Variants in MORN3 observed in about 807,000 individuals in gnomAD.
The protein encoded by MORN3 is MORN repeat containing 3.
In MORN3, 38 loss-of-function variants were observed where a neutral mutation model predicts 34.7. The observed-to-expected ratio is 1.10, with a 90% CI of 0.85 to 1.44. The LOEUF (loss-of-function observed/expected upper bound fraction) is 1.44, where lower values mean the gene tolerates loss of function less well. Ranked by LOEUF, MORN3 falls within the 40% of genes most tolerant of loss-of-function variation. The probability of loss-of-function intolerance (pLI) is 0.00; values close to 1 mark genes in which losing one functional copy is unlikely to be tolerated. For missense variants in MORN3, 311 were observed against 321.7 expected, an observed-to-expected ratio of 0.97 and a Z score of 0.25; for synonymous variants, 109 against 115.3, an observed-to-expected ratio of 0.95 and a Z score of 0.35.
intron 3 of MORN3, among the ~76,000 whole-genome samples, chr12:121,653,634 A>C (rs1471142375): frequency 1.3e-5 from 2 of 152,000 alleles, no homozygotes; most frequent in African/African-American, 2.4e-5. Context: ...CAGCCTCCTG[A>C]GTAGCTGGGA....
At chr12:121,671,774 G>GGAGGCT (rs1893975946), upstream of MORN3, among the ~76,000 whole-genome samples, 1 of 152,016 alleles carries the variant, frequency 6.6e-6, no homozygotes, top group African/African-American at 2.4e-5. Flanking sequence ...CAGCTACTCG[G>GGAGGCT]GAGGCTGAGG....
upstream of MORN3, among the ~76,000 whole-genome samples, chr12:121,670,277 G>C (rs1367720508): frequency 6.6e-6 from 1 of 152,090 alleles, no homozygotes; most frequent in Admixed American, 6.6e-5. Context: ...CAGAGCAAAA[G>C]CTGGGAGTGG....
intron 1 of MORN3, among the ~76,000 whole-genome samples, chr12:121,667,544 T>C (rs7297028): frequency 0.45 from 68,659 of 151,038 alleles, 16,051 homozygotes; most frequent in African/African-American, 0.57. Flanking sequence ...TGTGAGCCAC[T>C]GTCCCCGGCC....
At position 121,669,393 on chromosome 12, in the gene MORN3, A is replaced by G; in HGVS notation, c.91T>C (p.Tyr31His). The G allele has an allele frequency of 6.2e-7, 1 of 1,614,046 alleles. No homozygotes were observed. Among genetic ancestry groups the G allele is most frequent in the Non-Finnish European group, 8.5e-7 (1 of 1,179,948 alleles). The change falls in exon 1 of 6, where the codon TAC becomes CAC. Residue 31 changes from tyrosine (Y) to histidine (H), a missense_variant. By Grantham distance (83) the Tyr-to-His change is moderately conservative. Coordinates refer to ENST00000355329, the MANE Select transcript of MORN3 (RefSeq NM_173855.5). ...AQRNGLRSQV[Y>H]AVNGDYYVGE... is the part of the protein sequence containing the mutation. Reference sequence around the variant, plus strand: ...ACATAGTAGTCGCCATTCACAGCGTATACCTGGCTCCGCAGGCCGTTCCTC... The same window carrying G: ...ACATAGTAGTCGCCATTCACAGCGTGTACCTGGCTCCGCAGGCCGTTCCTC...
chr12:121,652,720 C>A lies in MORN3; in HGVS notation c.*6+8G>T. 2.5e-6 allele frequency: 4 copies of A among 1,613,134 alleles called. No homozygotes were observed. The highest frequency in any genetic ancestry group is 3.4e-6 in the Non-Finnish European group (4 of 1,179,082). ...CATCAGAACTTGGCAGGTGTGCCCACCCCTCACCTGGCATCAATCTCCTTC... is the reference window on the plus strand; with the variant it reads ...CATCAGAACTTGGCAGGTGTGCCCAACCCTCACCTGGCATCAATCTCCTTC... On this transcript the variant is annotated splice_region_variant and intron_variant, in intron 5 of 5. Coordinates refer to ENST00000355329, the MANE Select transcript of MORN3 (RefSeq NM_173855.5).
chr12:121,659,052 G>A, intron 2 of MORN3, 139 bp downstream of exon 2: 2 of 1,115,346 alleles, frequency 1.8e-6, no homozygotes, highest in Non-Finnish European at 2.4e-6. Flanking sequence ...TCTCCCACGA[G>A]CAGCACAACC....
At chr12:121,652,019 C>T (rs1893267432) in intron 5 of MORN3, among the ~76,000 whole-genome samples, 1 of 152,140 alleles carries the variant, frequency 6.6e-6, no homozygotes, top group Admixed American at 6.6e-5. Context: ...TCACTGCAAC[C>T]TCTGCCTCCC....
chr12:121,652,655 G>T, intron 5 of MORN3, 73 bp downstream of exon 5: 2 of 1,423,044 alleles, frequency 1.4e-6, no homozygotes, highest in East Asian at 2.3e-5. Context: ...GACCCCAGGA[G>T]ATCTGTGCAT....
intron 1 of MORN3, among the ~76,000 whole-genome samples, chr12:121,667,541 C>T (rs1393962721): frequency 6.6e-6 from 1 of 151,900 alleles, no homozygotes; most frequent in Non-Finnish European, 1.5e-5. Context: ...AGGTGTGAGC[C>T]ACTGTCCCCG....
chr12:121,656,596 C>T (rs1489507407), intron 2 of MORN3, among the ~76,000 whole-genome samples: 1 of 152,096 alleles, frequency 6.6e-6, no homozygotes, highest in Non-Finnish European at 1.5e-5. Context: ...TTCACTGCCA[C>T]CTCTGCCTCC....
At chr12:121,656,012 A>T (rs1893403878) in intron 2 of MORN3, among the ~76,000 whole-genome samples, 1 of 152,150 alleles carries the variant, frequency 6.6e-6, no homozygotes, top group Non-Finnish European at 1.5e-5. Context: ...CCTGGGCAAC[A>T]GAGAAAGACT....
At chr12:121,652,662 G>T in intron 5 of MORN3, 66 bp downstream of exon 5, 1 of 1,463,378 alleles carries the variant, frequency 6.8e-7, no homozygotes, top group Non-Finnish European at 9.6e-7. Context: ...GGAGATCTGT[G>T]CATTGTTCTG....
At chr12:121,671,937 C>G (rs1425939212), upstream of MORN3, among the ~76,000 whole-genome samples, 1 of 151,930 alleles carries the variant, frequency 6.6e-6, no homozygotes, top group East Asian at 1.9e-4. Flanking sequence ...CATGTAATCA[C>G]CAGACTGACT....
At chr12:121,670,497 A>C (rs1306012684), upstream of MORN3, among the ~76,000 whole-genome samples, 1 of 152,230 alleles carries the variant, frequency 6.6e-6, no homozygotes, top group Non-Finnish European at 1.5e-5. Context: ...CTCACTTTAA[A>C]AAAATCAATA....
At chr12:121,661,149 GA>G (rs1893570329) in intron 1 of MORN3, among the ~76,000 whole-genome samples, 1 of 152,074 alleles carries the variant, frequency 6.6e-6, no homozygotes, top group Non-Finnish European at 1.5e-5. Flanking sequence ...TATAGAGGCA[GA>G]GTCTCTCTAT....
chr12:121,659,167 A>ACACACC (rs1555326052), intron 2 of MORN3, 24 bp downstream of exon 2: 18 of 1,554,062 alleles, frequency 1.2e-5, no homozygotes, highest in East Asian at 1.1e-4. Flanking sequence ...ACACACACAC[A>ACACACC]CCCCGGCTGG....
chr12:121,654,164 G>A (rs1037175807), intron 3 of MORN3, 110 bp downstream of exon 3: 1 of 854,586 alleles, frequency 1.2e-6, no homozygotes, highest in Non-Finnish European at 1.7e-6. Context: ...GGGTCAGTGT[G>A]GGACAAGAGT....
At chr12:121,670,681 C>T (rs1391374894), upstream of MORN3, among the ~76,000 whole-genome samples, 3 of 151,692 alleles carry the variant, frequency 2.0e-5, no homozygotes, top group East Asian at 1.9e-4. Flanking sequence ...TGGTGGTACG[C>T]GCCTGTAATC....
In MORN3 at chr12:121,654,291, T is replaced by TC. The variant is rs1893343761; in HGVS notation, c.445dup (p.Glu149GlyfsTer37). 1.3e-6 allele frequency: 2 copies of TC among 1,588,072 alleles called. No homozygotes were observed. The highest frequency in any genetic ancestry group is 8.6e-7 in the Non-Finnish European group (1 of 1,168,648). ...GCACTCACTCAGGCGCAGCATGCCC[T>TC]CCCCGTTGGGCTTGTCGTTCTCCCA... On this transcript the variant is annotated frameshift_variant, in exon 3 of 6. Transcript: ENST00000355329. LOFTEE classifies it high-confidence loss of function.
Sources: gnomAD v4.1 joint callset for allele counts (sites outside exome capture counted in the v4.1 genomes callset) on GRCh38, gnomAD v4.1.1 for gene constraint, MANE v1.5 for transcripts, NCBI Gene and HGNC (gene_info 2026-07-23, HGNC 2026-07-21) for gene names.